The following TRMT11 variants were observed in gnomAD, a reference collection of about 807,000 sequenced individuals.
The protein encoded by TRMT11 is tRNA methyltransferase 11.
Under a neutral mutation model 62.8 loss-of-function variants are expected in TRMT11, and 53 were observed. That is an observed-to-expected ratio of 0.84 (90% CI 0.68 to 1.06). TRMT11 has a LOEUF of 1.06. Among genes scored for constraint, TRMT11 ranks in the 50% least tolerant of loss-of-function variants. TRMT11 has a pLI of 0.00. For missense variants in TRMT11, 556 were observed against 553.4 expected, an observed-to-expected ratio of 1.00 and a Z score of -0.05; for synonymous variants, 188 against 190.3, an observed-to-expected ratio of 0.99 and a Z score of 0.10.
chr6:126,019,159 C>T (rs1351588167), intron 11 of TRMT11, among the ~76,000 whole-genome samples: 5 of 152,158 alleles, frequency 3.3e-5, no homozygotes, highest in Admixed American at 6.5e-5. Context: ...GGATTACAGG[C>T]GTGAGCCACC....
chr6:125,993,532 T>C lies in TRMT11; in HGVS notation c.73-225T>C, dbSNP rs1198575251. Among the ~76,000 whole-genome samples, 3 of 152,212 alleles carry C rather than the reference T, an allele frequency of 2.0e-5. 1 individual carries two copies. Among genetic ancestry groups the C allele is most frequent in the South Asian group, 4.1e-4 (2 of 4,832 alleles). ...GGGAATTTTTTGATCAAGTGTTTGC[T>C]AACTCTTCTGTTGTCGAAAATTTCT... On this transcript the variant is annotated intron_variant, in intron 1 of 12. Transcript: ENST00000334379.
chr6:125,996,096 C>T, intron 3 of TRMT11, 56 bp downstream of exon 3: 2 of 1,247,456 alleles, frequency 1.6e-6, no homozygotes, highest in Non-Finnish European at 2.4e-6. Context: ...CATAACCACT[C>T]AATCCTGTTT....
At chr6:126,090,191 G>A (rs910789800) in intron 17 of TRMT11, among the ~76,000 whole-genome samples, 3 of 152,172 alleles carry the variant, frequency 2.0e-5, no homozygotes, top group African/African-American at 7.2e-5. Flanking sequence ...CTCTTTTACA[G>A]TTTTCACAGA....
chr6:126,164,157 G>A (rs1050647787), intron 21 of TRMT11, among the ~76,000 whole-genome samples: 1 of 152,208 alleles, frequency 6.6e-6, no homozygotes, highest in Non-Finnish European at 1.5e-5. Context: ...GCATCCCAGA[G>A]ATTCTGGCAT....
chr6:126,142,150 T>A (rs1245989431), intron 21 of TRMT11, among the ~76,000 whole-genome samples: 65 of 152,058 alleles, frequency 4.3e-4, no homozygotes. Context: ...ATTTTCTGTC[T>A]TTTACCTAAC....
At chr6:126,071,736 C>G (rs371033730) in intron 17 of TRMT11, among the ~76,000 whole-genome samples, 398 of 151,576 alleles carry the variant, frequency 2.6e-3, no homozygotes, top group African/African-American at 9.0e-3. Context: ...AGAAGTCACA[C>G]TACAATTGTC....
intron 1 of TRMT11, among the ~76,000 whole-genome samples, chr6:125,991,059 A>G (rs925007654): frequency 1.3e-5 from 2 of 151,866 alleles, no homozygotes; most frequent in Non-Finnish European, 2.9e-5. Context: ...AGTCTGGCCA[A>G]CATAGTGAAA....
At chr6:126,197,013 G>T (rs192672904) in intron 1 of TRMT11, among the ~76,000 whole-genome samples, 239 of 152,256 alleles carry the variant, frequency 1.6e-3, no homozygotes, top group African/African-American at 5.5e-3. Flanking sequence ...AAATTTTGAA[G>T]TTCACTGTGT....
At chr6:126,185,679 T>TCA (rs1778518762) in intron 1 of TRMT11, among the ~76,000 whole-genome samples, 1 of 152,194 alleles carries the variant, frequency 6.6e-6, no homozygotes, top group African/African-American at 2.4e-5. Context: ...TAGCCCTTTT[T>TCA]ATTAGTCTGT....
chr6:126,239,786 A>G, the TRMT11 span, among the ~76,000 whole-genome samples: 1 of 152,222 alleles, frequency 6.6e-6, no homozygotes, highest in African/African-American at 2.4e-5. Flanking sequence ...TCTCCTGGAT[A>G]GTATCCTTCA....
intron 16 of TRMT11, among the ~76,000 whole-genome samples, chr6:126,045,992 G>A (rs1476958497): frequency 1.3e-5 from 2 of 152,044 alleles, no homozygotes; most frequent in Admixed American, 1.3e-4. Context: ...CTGTGGGAAG[G>A]GATAGAAGAG....
At chr6:126,192,951 GTTT>G (rs1014298725) in intron 1 of TRMT11, among the ~76,000 whole-genome samples, 2 of 152,176 alleles carry the variant, frequency 1.3e-5, no homozygotes, top group Non-Finnish European at 2.9e-5. Flanking sequence ...TGTAGAATGT[GTTT>G]GTGAGTATTC....
chr6:126,178,224 G>A lies in TRMT11; in HGVS notation n.143+889G>A, dbSNP rs558912654. 5.3e-5 allele frequency among the ~76,000 whole-genome samples: 8 copies of A among 152,324 alleles called. No individual in the cohort carries two copies. The South Asian group carries it at 1.4e-3, about 28-fold the overall frequency. ...ACACTCAGATCACCCTTCAAGGAAAGAGTTGTTGCCCAAGATCACCTTCCC... is the reference window on the plus strand; with the variant it reads ...ACACTCAGATCACCCTTCAAGGAAAAAGTTGTTGCCCAAGATCACCTTCCC... On this transcript the variant is annotated intron_variant and non_coding_transcript_variant, in intron 1 of 3. Transcript: ENST00000444229.
At chr6:126,209,754 C>T in the TRMT11 span, among the ~76,000 whole-genome samples, 2 of 151,778 alleles carry the variant, frequency 1.3e-5, no homozygotes, top group Admixed American at 1.3e-4. Context: ...AACAAAACAA[C>T]AACAACAACA....
At chr6:126,266,377 C>T in the TRMT11 span, among the ~76,000 whole-genome samples, 2 of 152,140 alleles carry the variant, frequency 1.3e-5, no homozygotes, top group Non-Finnish European at 2.9e-5. Context: ...ACGGTAACCA[C>T]TCGTGTGTGC....
chr6:125,996,193 G>A (rs1791478404), intron 3 of TRMT11, among the ~76,000 whole-genome samples, 153 bp downstream of exon 3: 1 of 152,148 alleles, frequency 6.6e-6, no homozygotes, highest in Non-Finnish European at 1.5e-5. Context: ...CCAGAGGAGG[G>A]TTACCTGCCG....
At chr6:126,053,248 G>A (rs896774505) in intron 17 of TRMT11, among the ~76,000 whole-genome samples, 1 of 152,202 alleles carries the variant, frequency 6.6e-6, no homozygotes, top group Non-Finnish European at 1.5e-5. Context: ...CCCAGTGTGA[G>A]TCTAAGAGGA....
chr6:126,045,654 G>A (rs1776034562), intron 16 of TRMT11, among the ~76,000 whole-genome samples: 1 of 152,134 alleles, frequency 6.6e-6, no homozygotes, highest in Non-Finnish European at 1.5e-5. Context: ...TCACCAGTTT[G>A]CCAGTTAGCT....
chr6:126,224,971 C>T, the TRMT11 span, among the ~76,000 whole-genome samples: 141 of 152,184 alleles, frequency 9.3e-4, no homozygotes, highest in African/African-American at 2.9e-3. Flanking sequence ...GTTGGGCATC[C>T]GAGTCTGCAC....
Sources: allele counts gnomAD v4.1 joint callset (sites outside exome capture counted in the v4.1 genomes callset), GRCh38; gene constraint gnomAD v4.1.1; transcripts MANE v1.5; gene names NCBI Gene and HGNC (gene_info 2026-07-23, HGNC 2026-07-21).